The following GNPTAB variants were observed in gnomAD, a reference collection of about 807,000 sequenced individuals.
The protein encoded by GNPTAB is N-acetylglucosamine-1-phosphotransferase subunits alpha/beta.
GNPTAB carries 92 observed loss-of-function variants against 136.6 expected under a neutral mutation model. The observed-to-expected ratio is 0.67, with a 90% CI of 0.57 to 0.80. The LOEUF (loss-of-function observed/expected upper bound fraction) is 0.80, where lower values mean the gene tolerates loss of function less well. Among genes scored for constraint, GNPTAB ranks in the 30% least tolerant of loss-of-function variants. GNPTAB has a pLI of 0.00. For synonymous variants in GNPTAB, 512 were observed against 535.1 expected, an observed-to-expected ratio of 0.96 and a Z score of 0.60; for missense variants, 1,343 against 1,501.8, an observed-to-expected ratio of 0.89 and a Z score of 1.75.
At position 101,768,093 on chromosome 12, in the gene GNPTAB, T is replaced by C; in HGVS notation, c.1352A>G (p.Tyr451Cys). Residue 451 changes from tyrosine to cysteine, a missense_variant, in exon 11 of 21, where the codon TAT becomes TGT. Coordinates refer to ENST00000299314, the MANE Select transcript of GNPTAB (RefSeq NM_024312.5). The part of the protein sequence containing the change: ...GCPGSWIKDG[Y>C]CDKACNNSAC... Reference sequence around the variant, plus strand: ...TGAATTATTACAAGCCTTGTCACAATAGCCATCCTTAATCCAGGAACCTGG... The same window carrying C: ...TGAATTATTACAAGCCTTGTCACAACAGCCATCCTTAATCCAGGAACCTGG... 1 of 1,614,116 alleles carries C rather than the reference T, an allele frequency of 6.2e-7. No homozygotes were observed. The highest frequency in any genetic ancestry group is 8.5e-7 in the Non-Finnish European group (1 of 1,179,940).
chr12:101,793,829 CTTATTTATTTAT>C (rs574103129), intron 2 of GNPTAB, among the ~76,000 whole-genome samples: 2 of 152,056 alleles, frequency 1.3e-5, no homozygotes, highest in Admixed American at 6.6e-5. Context: ...TTTTGTCTTA[CTTATTTATTTAT>C]TTATTTATTT....
At chr12:101,766,772 C>G (rs983763417) in intron 11 of GNPTAB, among the ~76,000 whole-genome samples, 6 of 152,246 alleles carry the variant, frequency 3.9e-5, no homozygotes, top group Middle Eastern at 3.4e-3. Context: ...AGAAAATAAA[C>G]GTAAAAGGGA....
At chr12:101,788,099 T>C (rs1340922907) in intron 4 of GNPTAB, among the ~76,000 whole-genome samples, 4 of 152,218 alleles carry the variant, frequency 2.6e-5, no homozygotes, top group Non-Finnish European at 5.9e-5. Context: ...GATAGGTGTA[T>C]TTGGTTCTTG....
intron 15 of GNPTAB, 60 bp from the exon 16 acceptor site, chr12:101,760,203 A>G: frequency 9.5e-7 from 1 of 1,047,654 alleles, no homozygotes; most frequent in Non-Finnish European, 1.5e-6. Flanking sequence ...CTGTGGTTTT[A>G]AAAATAAAAA....
At chr12:101,748,988 C>A in intron 20 of GNPTAB, 113 bp downstream of exon 20, 1 of 720,614 alleles carries the variant, frequency 1.4e-6, no homozygotes, top group Non-Finnish European at 2.5e-6. Context: ...AGCTATAAGA[C>A]AATAAGAGAA....
At chr12:101,770,905 A>C in intron 8 of GNPTAB, 91 bp downstream of exon 8, 3 of 1,233,228 alleles carry the variant, frequency 2.4e-6, no homozygotes, top group Non-Finnish European at 3.6e-6. Flanking sequence ...CCTCTCTGTA[A>C]GTCCCCTTCC....
At chr12:101,814,566 A>T (rs1870417638) in intron 1 of GNPTAB, among the ~76,000 whole-genome samples, 1 of 151,934 alleles carries the variant, frequency 6.6e-6, no homozygotes, top group Non-Finnish European at 1.5e-5. Flanking sequence ...GTGTGGTGGC[A>T]GGTGCCTGTA....
At position 101,797,306 on chromosome 12, in the gene GNPTAB, A is replaced by C. The variant is rs571009045; in HGVS notation, c.118-544T>G. 5.3e-5 allele frequency among the ~76,000 whole-genome samples: 8 copies of C among 152,194 alleles called. No homozygotes were observed. The East Asian group carries it at 1.5e-3, about 29-fold the overall frequency. On this transcript the variant is annotated intron_variant, in intron 1 of 20. Coordinates refer to ENST00000299314, the MANE Select transcript of GNPTAB (RefSeq NM_024312.5). ...CTAAAGTTTAGGAAAGACTCTTCTC[A>C]GAGCATTTACAGACACAAGCAGAAA...
rs1282038227 is a variant in GNPTAB, at chr12:101,812,079, C to T, written c.118-15317G>A. ...CCAGCCTGGCCAACATGATGAAACC[C>T]CATCTCTACTAAAAAAAATGCTGGG... is the stretch of plus-strand genomic sequence containing the variant. On this transcript the variant is annotated intron_variant, in intron 1 of 20. Coordinates refer to ENST00000299314, the MANE Select transcript of GNPTAB (RefSeq NM_024312.5). Among the ~76,000 whole-genome samples, 3 of 151,464 alleles carry T rather than the reference C, an allele frequency of 2.0e-5. No homozygotes were observed. The East Asian group carries it at 5.9e-4, about 30-fold the overall frequency.
chr12:101,773,593 T>C (rs1244985666), intron 7 of GNPTAB: 1 of 154,740 alleles, frequency 6.5e-6, no homozygotes, highest in Non-Finnish European at 1.4e-5. Flanking sequence ...GTGCCTAGGG[T>C]TGGTTTCTAA....
At chr12:101,748,074 A>G (rs1007553974) in intron 20 of GNPTAB, among the ~76,000 whole-genome samples, 2 of 152,212 alleles carry the variant, frequency 1.3e-5, no homozygotes, top group Non-Finnish European at 2.9e-5. Flanking sequence ...ACCCTGTTCT[A>G]AAAGCAGGTA....
intron 12 of GNPTAB, chr12:101,765,784 T>G: frequency 2.6e-6 from 1 of 387,536 alleles, no homozygotes; most frequent in South Asian, 2.3e-5. Context: ...CCATCTTTAT[T>G]TAATGAATTA....
intron 1 of GNPTAB, among the ~76,000 whole-genome samples, chr12:101,822,257 C>CA (rs1411432735): frequency 1.3e-5 from 2 of 152,022 alleles, no homozygotes; most frequent in African/African-American, 2.4e-5. Flanking sequence ...ACTAAAAATA[C>CA]AAAAAATTAG....
intron 7 of GNPTAB, among the ~76,000 whole-genome samples, chr12:101,776,720 C>G (rs1042508551): frequency 6.6e-6 from 1 of 152,210 alleles, no homozygotes; most frequent in African/African-American, 2.4e-5. Flanking sequence ...GATATTGCCT[C>G]ATATGGCTCA....
Position 101,796,704 on chromosome 12 carries a change from T to C in GNPTAB, c.176A>G (p.Asn59Ser), listed in dbSNP as rs768260736. The C allele has an allele frequency of 1.2e-6, 2 of 1,611,988 alleles. No individual in the cohort carries two copies. The highest frequency in any genetic ancestry group is 1.1e-5 in the South Asian group (1 of 91,044). ...ATTCTGAAAGGACTTTCCAGCAATA[T>C]TGTCTCTATAGGAATCAAACAAAAC... ...YHVLFDSYRDNIAGKSFQNRL... is the reference protein window; with the variant it reads ...YHVLFDSYRDSIAGKSFQNRL... Residue 59 changes from asparagine (N) to serine (S), a missense_variant, in exon 2 of 21, where the codon AAT (asparagine) becomes AGT (serine). Transcript: ENST00000299314.
At chr12:101,829,624 C>A (rs1294286812) in intron 1 of GNPTAB, among the ~76,000 whole-genome samples, 1 of 152,150 alleles carries the variant, frequency 6.6e-6, no homozygotes, top group Non-Finnish European at 1.5e-5. Flanking sequence ...CACCTAACTA[C>A]ACACAGATAC....
At chr12:101,758,334 C>A (rs1343673747) in intron 16 of GNPTAB, among the ~76,000 whole-genome samples, 7 of 152,180 alleles carry the variant, frequency 4.6e-5, no homozygotes, top group Non-Finnish European at 8.8e-5. Context: ...CCATCGCACC[C>A]GGCCAATTTT....
Position 101,765,533 on chromosome 12 carries a change from A to G in GNPTAB, c.1613-229T>C, listed in dbSNP as rs1237631119. The stretch of plus-strand genomic sequence containing the variant: ...ACTGAGTTTTCACTTTCTAAGAGTG[A>G]CTTTAATTTCAAAATAATCAGATAT... On this transcript the variant is annotated intron_variant, in intron 12 of 20. Transcript: ENST00000299314. 5.6e-6 allele frequency: 3 copies of G among 539,276 alleles called. No individual in the cohort carries two copies. In the African/African-American group the frequency reaches 5.7e-5, roughly 10 times the overall value. The allele number at this position is 539,276 out of a possible 1,614,324, so 33.4% of individuals were successfully genotyped here. A position where few individuals can be genotyped will look rare whatever the true frequency, so the allele number is the denominator to read the frequency against.
chr12:101,749,446 G>T (rs1313605947), intron 19 of GNPTAB, among the ~76,000 whole-genome samples: 1 of 152,032 alleles, frequency 6.6e-6, no homozygotes, highest in African/African-American at 2.4e-5. Flanking sequence ...AATTACTTCT[G>T]GCACTTAAAC....
Sources: allele counts gnomAD v4.1 joint callset (sites outside exome capture counted in the v4.1 genomes callset), GRCh38; gene constraint gnomAD v4.1.1; transcripts MANE v1.5; gene names NCBI Gene and HGNC (gene_info 2026-07-23, HGNC 2026-07-21).